DMC1: variants seen among roughly 807,000 people sequenced by gnomAD.
The protein encoded by DMC1 is DNA meiotic recombinase 1.
Under a neutral mutation model 50.1 loss-of-function variants are expected in DMC1, and 27 were observed. The observed-to-expected ratio is 0.54, with a 90% CI of 0.40 to 0.74. The LOEUF is 0.74. Ranked by LOEUF, DMC1 falls within the 30% of genes least tolerant of loss-of-function variation. The pLI is 0.00. For synonymous variants in DMC1, 148 were observed against 136.1 expected (o/e 1.09, Z -0.61); for missense variants, 295 against 420.2 (o/e 0.70, Z 2.60).
chr22:38,566,833 A>G (rs2090585935), intron 3 of DMC1, 97 bp from the exon 4 acceptor site: 1 of 1,271,830 alleles, frequency 7.9e-7, no homozygotes, highest in Admixed American at 1.8e-5. Context: ...TCCTTCCACC[A>G]TGATGCCAAT....
chr22:38,515,491 A>AG (rs2089970949), downstream of DMC1, among the ~76,000 whole-genome samples: 1 of 147,238 alleles, frequency 6.8e-6, no homozygotes, highest in African/African-American at 2.5e-5. Context: ...AAAAAAAAAA[A>AG]GAAAGAAAAA....
chr22:38,554,135 A>G (rs747890450), intron 6 of DMC1, among the ~76,000 whole-genome samples: 1 of 151,834 alleles, frequency 6.6e-6, no homozygotes, highest in Non-Finnish European at 1.5e-5. Flanking sequence ...TCTCTAAATA[A>G]ATAAATAAAT....
At chr22:38,530,292 G>A (rs2090139474) in intron 12 of DMC1, among the ~76,000 whole-genome samples, 1 of 152,022 alleles carries the variant, frequency 6.6e-6, no homozygotes, top group Non-Finnish European at 1.5e-5. Context: ...TGGGAAGATG[G>A]GGGAAAGGGG....
In DMC1 at chr22:38,544,444, T is replaced by C. The variant is rs576364365; in HGVS notation, c.495-5032A>G. Among the ~76,000 whole-genome samples, 9 of 152,298 alleles carry C rather than the reference T, an allele frequency of 5.9e-5. No homozygotes were observed. The South Asian group carries it at 1.2e-3, about 21-fold the overall frequency. The stretch of plus-strand genomic sequence containing the variant: ...CTCCTTGCTTTGCTTAGTCTTCCTG[T>C]CTTTGCTTCAGGTTGTCCCGCCTTT... On this transcript the variant is annotated intron_variant, in intron 8 of 13. Coordinates refer to ENST00000216024, the MANE Select transcript of DMC1 (RefSeq NM_007068.4).
chr22:38,555,957 G>A (rs1450674849), intron 5 of DMC1, among the ~76,000 whole-genome samples: 1 of 151,710 alleles, frequency 6.6e-6, no homozygotes, highest in Non-Finnish European at 1.5e-5. Flanking sequence ...TCAGCCTCAC[G>A]AGTAGCTGGG....
chr22:38,519,783 C>A lies in DMC1; in HGVS notation c.*237G>T, dbSNP rs566042894. 15 of 471,576 alleles carry A rather than the reference C, an allele frequency of 3.2e-5. No individual in the cohort carries two copies. Among genetic ancestry groups the A allele is most frequent in the African/African-American group, 1.8e-4 (9 of 50,430 alleles). 29.2% of individuals were successfully genotyped at this position (471,576 alleles called of 1,614,324 possible). ...ATCTACTATATATGTCAGGTATACA[C>A]ACACAAACACACACACACACAAACA... On this transcript the variant is annotated 3_prime_UTR_variant, in exon 14 of 14. Transcript: ENST00000216024.
intron 4 of DMC1, among the ~76,000 whole-genome samples, chr22:38,564,834 T>C (rs935055035): frequency 7.2e-5 from 11 of 152,148 alleles, no homozygotes; most frequent in Non-Finnish European, 4.4e-5. Flanking sequence ...AGTTGTGGAA[T>C]TGACTTGTGG....
rs780769755 is a variant in DMC1, at chr22:38,555,416, A to G, written c.327-7T>C. ...TCCACCTCCTAGTAACTTACTGGAA[A>G]TAGAAAGAAAGCATTAGTAACAGGA... On this transcript the variant is annotated splice_polypyrimidine_tract_variant and splice_region_variant and intron_variant, in intron 5 of 13. Coordinates refer to ENST00000216024, the MANE Select transcript of DMC1 (RefSeq NM_007068.4). 1 of 1,582,690 alleles carries G rather than the reference A, an allele frequency of 6.3e-7. No individual in the cohort carries two copies. Among genetic ancestry groups the G allele is most frequent in the Non-Finnish European group, 8.7e-7 (1 of 1,151,982 alleles).
In DMC1 at chr22:38,520,014, C is replaced by A; in HGVS notation, c.*6G>T. The A allele has an allele frequency of 6.2e-7, 1 of 1,613,088 alleles. No homozygotes were observed. Among genetic ancestry groups the A allele is most frequent in the South Asian group, 1.1e-5 (1 of 91,056 alleles). Reference sequence around the variant, plus strand: ...CACTAAGAAGCAATTTGCATCAATTCACCACCTACTCCTTGGCATCCCCAA... The same window carrying A: ...CACTAAGAAGCAATTTGCATCAATTAACCACCTACTCCTTGGCATCCCCAA... On this transcript the variant is annotated 3_prime_UTR_variant, in exon 14 of 14. Transcript: ENST00000216024.
chr22:38,521,807 G>T (rs1403563014), intron 12 of DMC1, 83 bp from the exon 13 acceptor site: 2 of 961,272 alleles, frequency 2.1e-6, no homozygotes, highest in Non-Finnish European at 3.4e-6. Context: ...ATCTTTCTGT[G>T]GTGGATGTCA....
At chr22:38,515,151 C>A (rs1409724251), downstream of DMC1, among the ~76,000 whole-genome samples, 1 of 150,066 alleles carries the variant, frequency 6.7e-6, no homozygotes, top group African/African-American at 2.4e-5. Flanking sequence ...CAGGCGTGAG[C>A]CACTGTGCCT....
chr22:38,538,211 C>A, intron 11 of DMC1, 84 bp downstream of exon 11: 1 of 1,121,170 alleles, frequency 8.9e-7, no homozygotes, highest in African/African-American at 1.5e-5. Flanking sequence ...AAAATCGCTG[C>A]CTCCTGACAT....
At chr22:38,543,794 C>T (rs1436930675) in intron 8 of DMC1, among the ~76,000 whole-genome samples, 1 of 152,132 alleles carries the variant, frequency 6.6e-6, no homozygotes, top group African/African-American at 2.4e-5. Context: ...CCTGCTCTGA[C>T]CTGAGTCACC....
rs2089997484 is a variant in DMC1, at chr22:38,519,152, C to T, written c.*868G>A. The stretch of plus-strand genomic sequence containing the variant: ...TCTTGGCTCACCGCAATCTCTGCCT[C>T]CTGGGTTCAAGCAATTCTCCTGCCT... On this transcript the variant is annotated 3_prime_UTR_variant, in exon 14 of 14. Transcript: ENST00000216024. 1 of 151,574 alleles carries T rather than the reference C, an allele frequency of 6.6e-6. No homozygotes were observed. The highest frequency in any genetic ancestry group is 1.5e-5 in the Non-Finnish European group (1 of 67,978). The allele number at this position is 151,574 out of a possible 1,614,324, so 9.4% of individuals were successfully genotyped here. A position where few individuals can be genotyped will look rare whatever the true frequency, so the allele number is the denominator to read the frequency against.
chr22:38,556,074 C>T lies in DMC1; in HGVS notation c.327-665G>A, dbSNP rs569536980. On this transcript the variant is annotated intron_variant, in intron 5 of 13. Transcript: ENST00000216024. ...CTCGAACTCCTGACCTCAGGTGATC[C>T]GCCTGCCTTGGCTTCCCAAAGTGCT... is the stretch of plus-strand genomic sequence containing the variant. Among the ~76,000 whole-genome samples, 13 of 152,230 alleles carry T rather than the reference C, an allele frequency of 8.5e-5. 1 individual carries two copies. In the South Asian group the frequency reaches 1.0e-3, roughly 12 times the overall value.
intron 6 of DMC1, among the ~76,000 whole-genome samples, chr22:38,553,887 C>T (rs920603404): frequency 1.4e-5 from 2 of 140,788 alleles, no homozygotes; most frequent in Non-Finnish European, 3.0e-5. Context: ...ACCTGGGAGG[C>T]AGAAGTTGCA....
chr22:38,539,619 G>C (rs1030567222), intron 8 of DMC1, among the ~76,000 whole-genome samples: 2 of 152,128 alleles, frequency 1.3e-5, no homozygotes, highest in African/African-American at 2.4e-5. Flanking sequence ...TAGTGATAAT[G>C]GTCATAGAAA....
chr22:38,534,012 C>A (rs1280528294), intron 12 of DMC1, among the ~76,000 whole-genome samples: 2 of 152,110 alleles, frequency 1.3e-5, no homozygotes, highest in Non-Finnish European at 2.9e-5. Context: ...AGGGACATTG[C>A]AAAACAGTTG....
At chr22:38,538,912 T>G (rs2090248857) in intron 9 of DMC1, among the ~76,000 whole-genome samples, 1 of 152,006 alleles carries the variant, frequency 6.6e-6, no homozygotes, top group South Asian at 2.1e-4. Flanking sequence ...GGCGTGTGCC[T>G]GTAATCCCAG....
Sources: allele counts gnomAD v4.1 joint callset (sites outside exome capture counted in the v4.1 genomes callset), GRCh38; gene constraint gnomAD v4.1.1; transcripts MANE v1.5; gene names NCBI Gene and HGNC (gene_info 2026-07-23, HGNC 2026-07-21).